The following EPB41L5 variants were observed in gnomAD, a reference collection of about 807,000 sequenced individuals.
EPB41L5 encodes erythrocyte membrane protein band 4.1 like 5, also known as band 4.1-like protein 5.
A neutral mutation model predicts 106.6 loss-of-function variants in EPB41L5; 55 were observed. That is an observed-to-expected ratio of 0.52 (90% confidence interval 0.42 to 0.65). The LOEUF (loss-of-function observed/expected upper bound fraction) is 0.65. EPB41L5 is among the 30% of genes least tolerant of loss of function. The pLI, the probability that EPB41L5 is intolerant of heterozygous loss-of-function variation, is 0.00. For missense variants in EPB41L5, 871 were observed against 882.1 expected, an observed-to-expected ratio of 0.99 and a Z score of 0.16; for synonymous variants, 297 against 306.7, an observed-to-expected ratio of 0.97 and a Z score of 0.33.
intron 3 of EPB41L5, among the ~76,000 whole-genome samples, chr2:120,063,802 C>T (rs185530354): frequency 2.0e-4 from 31 of 152,088 alleles, no homozygotes; most frequent in Admixed American, 1.9e-3. Context: ...ATTAGCCGGG[C>T]GTGGTGGCGG....
intron 20 of EPB41L5, among the ~76,000 whole-genome samples, chr2:120,155,544 C>T (rs896969057): frequency 6.6e-6 from 1 of 151,818 alleles, no homozygotes; most frequent in African/African-American, 2.4e-5. Context: ...TGTCTTTTAT[C>T]AAACCTATTG....
chr2:120,068,202 A>G (rs1395307627), intron 3 of EPB41L5, among the ~76,000 whole-genome samples: 1 of 152,230 alleles, frequency 6.6e-6, no homozygotes, highest in African/African-American at 2.4e-5. Context: ...CCCCTAGCCA[A>G]GAGAAGCCAT....
At chr2:120,104,858 G>A in intron 16 of EPB41L5, 1 of 973,394 alleles carries the variant, frequency 1.0e-6, no homozygotes, top group Non-Finnish European at 1.2e-6. Flanking sequence ...TGTGGCTCAT[G>A]TATAGAGAAA....
At chr2:120,099,681 C>T (rs1315502955) in intron 14 of EPB41L5, among the ~76,000 whole-genome samples, 2 of 152,186 alleles carry the variant, frequency 1.3e-5, no homozygotes, top group African/African-American at 4.8e-5. Flanking sequence ...CCACCTCAGC[C>T]TCCCAAAGTG....
intron 10 of EPB41L5, among the ~76,000 whole-genome samples, chr2:120,084,178 T>A (rs1682893192): frequency 6.6e-6 from 1 of 152,204 alleles, no homozygotes; most frequent in South Asian, 2.1e-4. Context: ...TGATGTTAGC[T>A]GGTTATTTTG....
chr2:120,090,649 G>A, intron 12 of EPB41L5, 133 bp downstream of exon 12: 2 of 688,278 alleles, frequency 2.9e-6, no homozygotes, highest in Non-Finnish European at 4.7e-6. Context: ...TCTTCCATTG[G>A]CCAAAATAAA....
At chr2:120,100,205 C>T (rs770305409) in intron 14 of EPB41L5, 39 bp from the exon 15 acceptor site, 5 of 1,552,748 alleles carry the variant, frequency 3.2e-6, no homozygotes, top group Non-Finnish European at 3.5e-6. Context: ...CCTGAAATTT[C>T]ATATAGGGTT....
At chr2:120,128,853 A>T (rs1685570247) in intron 17 of EPB41L5, among the ~76,000 whole-genome samples, 2 of 152,170 alleles carry the variant, frequency 1.3e-5, no homozygotes, top group South Asian at 4.1e-4. Flanking sequence ...TTAAGAAAAT[A>T]TCCCCCATTA....
chr2:120,020,548 A>C (rs1303690225), intron 2 of EPB41L5, among the ~76,000 whole-genome samples: 1 of 151,784 alleles, frequency 6.6e-6, no homozygotes, highest in Non-Finnish European at 1.5e-5. Context: ...AAAGCATCTA[A>C]ATTTTCTTCC....
intron 14 of EPB41L5, among the ~76,000 whole-genome samples, chr2:120,098,863 T>TG (rs1683946244): frequency 6.6e-6 from 1 of 152,262 alleles, no homozygotes; most frequent in Admixed American, 6.5e-5. Context: ...GAAAGGCTTC[T>TG]GGATCCTCTA....
intron 3 of EPB41L5, among the ~76,000 whole-genome samples, chr2:120,043,312 G>C (rs539569674): frequency 6.6e-6 from 1 of 152,000 alleles, no homozygotes; most frequent in East Asian, 1.9e-4. Context: ...AGACTGAACC[G>C]GGAGGATTAC....
chr2:120,074,078 C>CTTTT, intron 4 of EPB41L5, 22 bp from the exon 5 acceptor site: 1 of 1,246,558 alleles, frequency 8.0e-7, no homozygotes, highest in Non-Finnish European at 1.1e-6. Flanking sequence ...TTATTAAAAC[C>CTTTT]TTTTTTTTTT....
rs78408508 is a variant in EPB41L5 at position 120,169,828 on chromosome 2, G to A, written c.2135+1821G>A. Among the ~76,000 whole-genome samples the A allele has an allele frequency of 4.5e-3, 687 of 152,316 alleles. 5 individuals carry two copies. Among genetic ancestry groups the A allele is most frequent in the African/African-American group, 0.016 (660 of 41,568 alleles). On this transcript the variant is annotated intron_variant, in intron 24 of 24. Transcript: ENST00000263713. ...AGACAGTGTGCAACTTGATTAGTCC[G>A]TGGGGAATGTAAATTCAAACTACCA...
chr2:120,042,121 G>GT lies in EPB41L5; in HGVS notation c.285+17dup. ...TCAGCACAAGTAGCAGTGAGTAACT[G>GT]TTTTTTGGAAGTTTTAGCATAAGGA... is the stretch of plus-strand genomic sequence containing the variant. On this transcript the variant is annotated intron_variant, in intron 3 of 24. Transcript: ENST00000263713. The GT allele has an allele frequency of 6.2e-7, 1 of 1,604,672 alleles. No homozygotes were observed. The highest frequency in any genetic ancestry group is 8.5e-7 in the Non-Finnish European group (1 of 1,172,112).
chr2:120,016,021 AT>A (rs1677498864), intron 1 of EPB41L5, among the ~76,000 whole-genome samples: 1 of 152,160 alleles, frequency 6.6e-6, no homozygotes. Flanking sequence ...ATTTTCTTAA[AT>A]CAGTTATGCT....
intron 18 of EPB41L5, among the ~76,000 whole-genome samples, chr2:120,132,628 T>C (rs1685753612): frequency 6.6e-6 from 1 of 152,168 alleles, no homozygotes; most frequent in Non-Finnish European, 1.5e-5. Flanking sequence ...TGTTAGAAGG[T>C]GATTCAATTT....
intron 13 of EPB41L5, among the ~76,000 whole-genome samples, chr2:120,092,369 T>C (rs1323813774): frequency 2.0e-5 from 3 of 152,208 alleles, no homozygotes; most frequent in Non-Finnish European, 4.4e-5. Flanking sequence ...TTATTTCATA[T>C]TGTATTATAA....
chr2:120,107,012 G>A, intron 16 of EPB41L5: 1 of 759,562 alleles, frequency 1.3e-6, no homozygotes, highest in Non-Finnish European at 1.6e-6. Flanking sequence ...TTTTTTTGGA[G>A]GGGAGTTTAT....
chr2:120,091,076 G>A (rs1683376887), intron 12 of EPB41L5, among the ~76,000 whole-genome samples: 1 of 152,164 alleles, frequency 6.6e-6, no homozygotes, highest in Non-Finnish European at 1.5e-5. Context: ...AAGTAGTACT[G>A]TAGTCTACTT....
Sources: gnomAD v4.1 joint callset for allele counts (sites outside exome capture counted in the v4.1 genomes callset) on GRCh38, gnomAD v4.1.1 for gene constraint, MANE v1.5 for transcripts, NCBI Gene and HGNC (gene_info 2026-07-23, HGNC 2026-07-21) for gene names.